IL21R: variants seen among roughly 807,000 people sequenced by gnomAD.
IL21R encodes the protein interleukin 21 receptor, also known as interleukin-21 receptor.
Under a neutral mutation model 41.3 loss-of-function variants are expected in IL21R, and 14 were observed. The observed-to-expected ratio is 0.34, with a 90% CI of 0.22 to 0.53. IL21R has a LOEUF of 0.53. IL21R is among the 20% of genes least tolerant of loss of function. The pLI is 0.94. For missense variants in IL21R, 588 were observed against 681.6 expected, an observed-to-expected ratio of 0.86 and a Z score of 1.53; for synonymous variants, 286 against 287.6, an observed-to-expected ratio of 0.99 and a Z score of 0.05.
At chr16:27,440,242 TATATATAGAGAGAG>T (rs1438059930) in intron 4 of IL21R, among the ~76,000 whole-genome samples, 1 of 87,020 alleles carries the variant, frequency 1.1e-5, no homozygotes, top group Non-Finnish European at 2.2e-5. Context: ...TATATATATA[TATATATAGAGAGAG>T]AGAGAGAGAG....
At chr16:27,421,133 C>T (rs552379062) in intron 1 of IL21R, among the ~76,000 whole-genome samples, 4 of 152,012 alleles carry the variant, frequency 2.6e-5, no homozygotes, top group African/African-American at 7.2e-5. Context: ...ATATGCACTT[C>T]TTTCTGAACT....
chr16:27,404,136 A>G (rs770518560), intron 1 of IL21R, among the ~76,000 whole-genome samples: 1 of 152,182 alleles, frequency 6.6e-6, no homozygotes, highest in African/African-American at 2.4e-5. Flanking sequence ...GGCAACCCCC[A>G]GAGGAGAGGC....
At chr16:27,423,586 A>G (rs2087030593) in intron 1 of IL21R, among the ~76,000 whole-genome samples, 1 of 152,110 alleles carries the variant, frequency 6.6e-6, no homozygotes, top group Non-Finnish European at 1.5e-5. Context: ...ATGATTTTGT[A>G]TGGTTTTCAG....
chr16:27,416,165 C>T (rs762006595), intron 1 of IL21R, among the ~76,000 whole-genome samples: 1 of 152,102 alleles, frequency 6.6e-6, no homozygotes, highest in Non-Finnish European at 1.5e-5. Context: ...CACTTTCTCA[C>T]CCAGGCTGGA....
At chr16:27,446,158 C>T in intron 8 of IL21R, 70 bp downstream of exon 8, 2 of 1,244,186 alleles carry the variant, frequency 1.6e-6, no homozygotes, top group East Asian at 2.5e-5. Context: ...CCTCCCCTCA[C>T]CCCAGGCTCC....
At chr16:27,423,781 A>G (rs1026359582) in intron 1 of IL21R, among the ~76,000 whole-genome samples, 2 of 152,088 alleles carry the variant, frequency 1.3e-5, no homozygotes, top group Non-Finnish European at 2.9e-5. Flanking sequence ...ATTGTTTCCA[A>G]TTTTTCACTA....
chr16:27,435,063 G>C (rs2087244324), intron 3 of IL21R, among the ~76,000 whole-genome samples: 1 of 152,114 alleles, frequency 6.6e-6, no homozygotes, highest in Admixed American at 6.5e-5. Context: ...AGGAGTTTGA[G>C]ACCAGCCTGG....
Position 27,440,112 on chromosome 16 carries a change from C to T in IL21R, c.352+2425C>T, listed in dbSNP as rs3093352. 4.0e-3 allele frequency among the ~76,000 whole-genome samples: 606 copies of T among 151,802 alleles called. 7 individuals are homozygous for T. Among genetic ancestry groups the T allele is most frequent in the African/African-American group, 0.014 (585 of 41,284 alleles). On this transcript the variant is annotated intron_variant, in intron 4 of 8. Transcript: ENST00000337929. ...ACCATGGCATTCTGTAAAATGTGCA[C>T]CTCTGTCACCTCGGGGCGTGGTGGG...
At chr16:27,445,595 A>ACC (rs2141311932) in intron 7 of IL21R, among the ~76,000 whole-genome samples, 1 of 152,288 alleles carries the variant, frequency 6.6e-6, no homozygotes, top group African/African-American at 2.4e-5. Context: ...TTAAACAGGG[A>ACC]CCTCAGCTGT....
chr16:27,408,649 C>T (rs924186181), intron 1 of IL21R, among the ~76,000 whole-genome samples: 4 of 152,176 alleles, frequency 2.6e-5, no homozygotes, highest in South Asian at 2.1e-4. Flanking sequence ...GAAGTCCCTC[C>T]GCCTTAACAC....
chr16:27,429,179 G>T (rs1023335664), intron 1 of IL21R, among the ~76,000 whole-genome samples: 1 of 152,052 alleles, frequency 6.6e-6, no homozygotes, highest in Admixed American at 6.5e-5. Flanking sequence ...AGCCAAGATC[G>T]GGCCACTGCA....
At chr16:27,407,523 A>C (rs924473766) in intron 1 of IL21R, among the ~76,000 whole-genome samples, 1 of 152,200 alleles carries the variant, frequency 6.6e-6, no homozygotes, top group Non-Finnish European at 1.5e-5. Flanking sequence ...AAAAGATTGA[A>C]GCATTAAAGC....
In IL21R at chr16:27,437,548, C is replaced by T. The variant is rs529309087; in HGVS notation, c.213C>T (p.Ala71=). 3.3e-5 allele frequency: 54 copies of T among 1,614,178 alleles called. 1 individual carries two copies. In the South Asian group the frequency reaches 5.6e-4, roughly 17 times the overall value. ...EATSCSLHRS[A]HNATHATYTC... is the part of the protein sequence containing the mutation. ...CCTCCTGCAGCCTCCACAGGTCGGC[C>T]CACAATGCCACGCATGCCACCTACA... is the stretch of plus-strand genomic sequence containing the variant. The change falls in exon 4 of 9, where the codon GCC becomes GCT. Residue 71 remains alanine, a synonymous_variant. Coordinates refer to ENST00000337929, the MANE Select transcript of IL21R (RefSeq NM_181078.3).
intron 1 of IL21R, among the ~76,000 whole-genome samples, chr16:27,414,827 A>G (rs2086874262): frequency 6.6e-6 from 1 of 152,206 alleles, no homozygotes; most frequent in African/African-American, 2.4e-5. Flanking sequence ...TCAAATTATG[A>G]AAAAACTATG....
At chr16:27,404,648 T>G (rs1305109861) in intron 1 of IL21R, among the ~76,000 whole-genome samples, 1 of 152,028 alleles carries the variant, frequency 6.6e-6, no homozygotes, top group African/African-American at 2.4e-5. Flanking sequence ...TCCACACAAC[T>G]AGGAAGGGGT....
At position 27,450,191 on chromosome 16, in the gene IL21R, A is replaced by C. The variant is rs562665378; in HGVS notation, c.*908A>C. 9 of 233,076 alleles carry C rather than the reference A, an allele frequency of 3.9e-5. No individual in the cohort carries two copies. In the East Asian group the frequency reaches 5.4e-4, roughly 14 times the overall value. The allele number at this position is 233,076 out of a possible 1,614,324, so 14.4% of individuals were successfully genotyped here. On this transcript the variant is annotated 3_prime_UTR_variant, in exon 9 of 9. Transcript: ENST00000337929. ...CCACTCGGGGGGGTTTCCAGGCTTA[A>C]AATCAGTCCGTTTCGTCTCTTGGAA...
intron 8 of IL21R, chr16:27,448,324 A>C: frequency 2.1e-5 from 11 of 532,456 alleles, no homozygotes; most frequent in Admixed American, 3.6e-5. Context: ...GTGTGGTGAC[A>C]GGCGCCTGTA....
chr16:27,417,245 T>G (rs1194320328), intron 1 of IL21R, among the ~76,000 whole-genome samples: 1 of 147,022 alleles, frequency 6.8e-6, no homozygotes, highest in African/African-American at 2.5e-5. Flanking sequence ...CACTGTAGCC[T>G]CAAACTCTTG....
chr16:27,445,064 C>A, intron 6 of IL21R, 113 bp from the exon 7 acceptor site: 1 of 726,180 alleles, frequency 1.4e-6, no homozygotes, highest in Non-Finnish European at 2.4e-6. Flanking sequence ...CTAGCAGTAA[C>A]AGCCTCTCCT....
Sources: gnomAD v4.1 joint callset for allele counts (sites outside exome capture counted in the v4.1 genomes callset) on GRCh38, gnomAD v4.1.1 for gene constraint, MANE v1.5 for transcripts, NCBI Gene and HGNC (gene_info 2026-07-23, HGNC 2026-07-21) for gene names.